The following MBOAT1 variants were observed in gnomAD, a reference collection of about 807,000 sequenced individuals.
MBOAT1 encodes the protein membrane-bound glycerophospholipid O-acyltransferase 1.
Under a neutral mutation model 64.4 loss-of-function variants are expected in MBOAT1, and 67 were observed. The observed-to-expected ratio is 1.04, with a 90% CI of 0.85 to 1.27. The LOEUF is 1.27. Ranked by LOEUF, MBOAT1 falls within the 50% of genes most tolerant of loss-of-function variation. MBOAT1 has a pLI of 0.00. For missense variants in MBOAT1, 563 were observed against 604.6 expected, an observed-to-expected ratio of 0.93 and a Z score of 0.72; for synonymous variants, 229 against 218.9, an observed-to-expected ratio of 1.05 and a Z score of -0.41.
In MBOAT1 at chr6:20,152,855, C is replaced by T. The variant is rs1270140366; in HGVS notation, c.100-86G>A. ...TGTTTTGTTTTGTTTTGTTTTGAGA[C>T]GGAGTCTCGTTCTGTCGCCCAGGCT... On this transcript the variant is annotated intron_variant, in intron 1 of 12. Coordinates refer to ENST00000324607, the MANE Select transcript of MBOAT1 (RefSeq NM_001080480.3). 4.4e-6 allele frequency: 6 copies of T among 1,374,088 alleles called. No homozygotes were observed. In the Admixed American group the frequency reaches 6.5e-5, roughly 15 times the overall value. 85.1% of individuals were successfully genotyped at this position (1,374,088 alleles called of 1,614,324 possible).
chr6:20,144,170 C>A (rs1761259912), intron 4 of MBOAT1, 50 bp downstream of exon 4: 2 of 1,256,820 alleles, frequency 1.6e-6, no homozygotes, highest in East Asian at 2.3e-5. Flanking sequence ...CCCCAAGAGA[C>A]CAAGTCAAAG....
In MBOAT1 at chr6:20,168,633, GA is replaced by G. The variant is rs1561773364; in HGVS notation, c.100-15865del. Among the ~76,000 whole-genome samples the G allele has an allele frequency of 7.7e-3, 981 of 127,150 alleles. 33 individuals are homozygous for G. The highest frequency in any genetic ancestry group is 0.025 in the African/African-American group (882 of 35,044). 83.4% of individuals were successfully genotyped at this position (127,150 alleles called of 152,430 possible). A position where few individuals can be genotyped will look rare whatever the true frequency, so the allele number is the denominator to read the frequency against. ...GAAGAGAAGAGAAGAGAAGAGAAGAGAAGAGAAGAGAGGAGAGGAGAGGGAA... is the reference window on the plus strand; with the variant it reads ...GAAGAGAAGAGAAGAGAAGAGAAGAGAGAGAAGAGAGGAGAGGAGAGGGAA... On this transcript the variant is annotated intron_variant, in intron 1 of 12. Coordinates refer to ENST00000324607, the MANE Select transcript of MBOAT1 (RefSeq NM_001080480.3).
chr6:20,159,551 C>T (rs1761787978), intron 1 of MBOAT1, among the ~76,000 whole-genome samples: 1 of 151,976 alleles, frequency 6.6e-6, no homozygotes, highest in Admixed American at 6.6e-5. Flanking sequence ...ACCGTATGAT[C>T]TTAAGTGCAT....
At chr6:20,107,428 C>T (rs898993585) in intron 12 of MBOAT1, among the ~76,000 whole-genome samples, 22 of 152,184 alleles carry the variant, frequency 1.4e-4, no homozygotes, top group African/African-American at 4.8e-4. Context: ...TGCTTCACTC[C>T]CACTGCACAA....
At position 20,099,772 on chromosome 6, in the gene MBOAT1, C is replaced by T. The variant is rs183015550; in HGVS notation, c.*2514G>A. ...CATTCCAATAAGTATTTATGAACTGCATCTTATATTTAGGACAACTTGGAA... is the reference window on the plus strand; with the variant it reads ...CATTCCAATAAGTATTTATGAACTGTATCTTATATTTAGGACAACTTGGAA... On this transcript the variant is annotated 3_prime_UTR_variant, in exon 13 of 13. Transcript: ENST00000324607. Among the ~76,000 whole-genome samples the T allele has an allele frequency of 7.4e-4, 113 of 152,168 alleles. No individual in the cohort carries two copies. Among genetic ancestry groups the T allele is most frequent in the African/African-American group, 2.7e-3 (110 of 41,506 alleles).
intron 1 of MBOAT1, among the ~76,000 whole-genome samples, chr6:20,172,685 T>C (rs1762233394): frequency 6.6e-6 from 1 of 152,082 alleles, no homozygotes; most frequent in Non-Finnish European, 1.5e-5. Flanking sequence ...TGAAAAGGCA[T>C]GCAAGCAAAT....
rs188965331 is a variant in MBOAT1, at chr6:20,198,440, C to A, written c.99+13696G>T. Among the ~76,000 whole-genome samples the A allele has an allele frequency of 1.6e-3, 251 of 152,254 alleles. 1 individual carries two copies. Among genetic ancestry groups the A allele is most frequent in the African/African-American group, 5.8e-3 (242 of 41,550 alleles). ...TCTCTAAAGACCATCAAGTACAAGA[C>A]CCTCTTCAGGAAATGAGATGCATTA... On this transcript the variant is annotated intron_variant, in intron 1 of 12. Coordinates refer to ENST00000324607, the MANE Select transcript of MBOAT1 (RefSeq NM_001080480.3).
chr6:20,204,816 T>C (rs1322815371), intron 1 of MBOAT1, among the ~76,000 whole-genome samples: 1 of 152,164 alleles, frequency 6.6e-6, no homozygotes, highest in Non-Finnish European at 1.5e-5. Flanking sequence ...CGGCCTCCAG[T>C]GACAGACCTG....
At chr6:20,208,907 A>C (rs534897821) in intron 1 of MBOAT1, among the ~76,000 whole-genome samples, 41 of 152,346 alleles carry the variant, frequency 2.7e-4, no homozygotes, top group African/African-American at 9.9e-4. Flanking sequence ...GTAACTGTGC[A>C]CTACACAAAT....
intron 1 of MBOAT1, among the ~76,000 whole-genome samples, chr6:20,156,104 T>TA (rs566267306): frequency 0.012 from 1,834 of 151,242 alleles, 37 homozygotes; most frequent in African/African-American, 0.042. Flanking sequence ...CCGTCTCTAC[T>TA]AAAAAAAATA....
At chr6:20,172,985 G>A (rs902031174) in intron 1 of MBOAT1, among the ~76,000 whole-genome samples, 4 of 152,242 alleles carry the variant, frequency 2.6e-5, no homozygotes, top group South Asian at 2.1e-4. Flanking sequence ...TGCTGTTCTC[G>A]TGATAGTGAG....
intron 1 of MBOAT1, among the ~76,000 whole-genome samples, chr6:20,182,335 A>G (rs1204654121): frequency 6.6e-6 from 1 of 152,156 alleles, no homozygotes; most frequent in Non-Finnish European, 1.5e-5. Context: ...CCAGTCTCTT[A>G]TAAAAACACA....
intron 1 of MBOAT1, among the ~76,000 whole-genome samples, chr6:20,160,206 G>A (rs1470042496): frequency 6.6e-6 from 1 of 152,174 alleles, no homozygotes; most frequent in Non-Finnish European, 1.5e-5. Flanking sequence ...ACCCTAATGT[G>A]CTGCTAGAAA....
At chr6:20,118,644 G>A in intron 8 of MBOAT1, 104 bp from the exon 9 acceptor site, 1 of 873,846 alleles carries the variant, frequency 1.1e-6, no homozygotes, top group South Asian at 1.6e-5. Context: ...GAAATATGCA[G>A]TAGTGTCTTT....
At chr6:20,170,435 C>T (rs1271382217) in intron 1 of MBOAT1, among the ~76,000 whole-genome samples, 5 of 152,168 alleles carry the variant, frequency 3.3e-5, no homozygotes, top group Admixed American at 1.3e-4. Context: ...GGTTGTTCAA[C>T]AAGCCAGCTG....
intron 8 of MBOAT1, among the ~76,000 whole-genome samples, chr6:20,120,002 T>C (rs144206329): frequency 1.4e-5 from 1 of 73,926 alleles, no homozygotes; most frequent in African/African-American, 5.2e-5. Context: ...TGTGTGTGTG[T>C]GTGCGTGTGT....
At chr6:20,131,754 T>C (rs1039616046) in intron 4 of MBOAT1, among the ~76,000 whole-genome samples, 1 of 152,206 alleles carries the variant, frequency 6.6e-6, no homozygotes, top group African/African-American at 2.4e-5. Context: ...TCACTTTACA[T>C]AGATAGATAT....
At chr6:20,167,414 G>A (rs186080688) in intron 1 of MBOAT1, among the ~76,000 whole-genome samples, 1 of 152,306 alleles carries the variant, frequency 6.6e-6, no homozygotes, top group East Asian at 1.9e-4. Flanking sequence ...TGCCAGCATA[G>A]GGGGCTGTTA....
At chr6:20,128,652 T>A (rs371535281) in intron 6 of MBOAT1, 47 bp downstream of exon 6, 26 of 1,393,848 alleles carry the variant, frequency 1.9e-5, no homozygotes, top group Non-Finnish European at 2.1e-5. Flanking sequence ...AATCTCTAGA[T>A]ACTGATATGC....
Sources: gnomAD v4.1 joint callset for allele counts (sites outside exome capture counted in the v4.1 genomes callset) on GRCh38, gnomAD v4.1.1 for gene constraint, MANE v1.5 for transcripts, NCBI Gene and HGNC (gene_info 2026-07-23, HGNC 2026-07-21) for gene names.